The following MPI variants were observed in gnomAD, a reference collection of about 807,000 sequenced individuals.
MPI encodes the protein mannose-6-phosphate isomerase.
A neutral mutation model predicts 40.1 loss-of-function variants in MPI; 33 were observed. That is an observed-to-expected ratio of 0.82 (90% CI 0.62 to 1.10). MPI has a LOEUF of 1.10. Among genes scored for constraint, MPI ranks in the 50% least tolerant of loss-of-function variants. The pLI is 0.00. For missense variants in MPI, 514 were observed against 524.1 expected (o/e 0.98, Z 0.19); for synonymous variants, 187 against 207.4 (o/e 0.90, Z 0.85).
chr15:74,892,141 G>A (rs1327045700), intron 3 of MPI, among the ~76,000 whole-genome samples: 3 of 152,052 alleles, frequency 2.0e-5, no homozygotes, highest in Non-Finnish European at 4.4e-5. Context: ...CTACAGGCAC[G>A]CGCCACCACA....
intron 6 of MPI, 35 bp downstream of exon 6, chr15:74,896,360 T>C: frequency 6.2e-7 from 1 of 1,611,572 alleles, no homozygotes. Context: ...CCCACTGCCA[T>C]CCCTGCTGGG....
rs1373231619 is a variant in MPI at position 74,896,218 on chromosome 15, C to G, written c.737C>G (p.Pro246Arg). The G allele has an allele frequency of 1.2e-6, 2 of 1,614,054 alleles. No individual in the cohort carries two copies. Among genetic ancestry groups the G allele is most frequent in the Admixed American group, 1.7e-5 (1 of 60,004 alleles). The change falls in exon 6 of 8, where the codon CCA becomes CGA. Residue 246 changes from proline to arginine, a missense_variant. Coordinates refer to ENST00000352410, the MANE Select transcript of MPI (RefSeq NM_002435.3). The stretch of plus-strand genomic sequence containing the variant: ...TTGCTACAGCTGCACCAGCAGTACC[C>G]AGGTGATATCGGCTGCTTTGCCATC... ...ELLLQLHQQY[P>R]GDIGCFAIYF...
At chr15:74,895,628 C>CCTTCATGAAA (rs2064807203) in intron 5 of MPI, 1 of 159,012 alleles carries the variant, frequency 6.3e-6, no homozygotes, top group Non-Finnish European at 1.4e-5. Context: ...TGTTGGTTAC[C>CCTTCATGAAA]CTTCATGAAA....
At chr15:74,892,929 T>G in intron 4 of MPI, 127 bp downstream of exon 4, 1 of 1,510,748 alleles carries the variant, frequency 6.6e-7, no homozygotes, top group South Asian at 1.1e-5. Context: ...TGAAGCAGTT[T>G]TTGGAGCCAG....
Position 74,893,144 on chromosome 15 carries a change from C to G in MPI, c.494C>G (p.Pro165Arg). ...EEIVTFLKKVPEFQFLIGDEA... is the reference protein window; with the variant it reads ...EEIVTFLKKVREFQFLIGDEA... Reference sequence around the variant, plus strand: ...GGGCCTTGCCTTCCTGTAGAGGTGCCTGAGTTTCAGTTCCTGATTGGAGAT... The same window carrying G: ...GGGCCTTGCCTTCCTGTAGAGGTGCGTGAGTTTCAGTTCCTGATTGGAGAT... Residue 165 changes from proline to arginine, a missense_variant, in exon 5 of 8, where the codon CCT becomes CGT. Pro to Arg is a moderately radical substitution (Grantham distance 103). Transcript: ENST00000352410. 1 of 1,613,954 alleles carries G rather than the reference C, an allele frequency of 6.2e-7. No individual in the cohort carries two copies. Among genetic ancestry groups the G allele is most frequent in the Admixed American group, 1.7e-5 (1 of 60,018 alleles).
chr15:74,897,610 C>A lies in MPI; in HGVS notation c.1152C>A (p.Thr384=), dbSNP rs2064841631. Residue 384 remains threonine, a synonymous_variant, in exon 8 of 8, where the codon ACC becomes ACA. Transcript: ENST00000352410. ...CAGTAATAGCCAGCACACCCACAAC[C>A]CAGACACCAATCCCTCTGCAACGTG... ...QGTVIASTPT[T]QTPIPLQRGG... is the part of the protein sequence containing the mutation. 1.9e-6 allele frequency: 3 copies of A among 1,614,242 alleles called. No homozygotes were observed. Among genetic ancestry groups the A allele is most frequent in the African/African-American group, 1.3e-5 (1 of 75,066 alleles).
At position 74,898,574 on chromosome 15, in the gene MPI, G is replaced by A. The variant is rs1418724326; in HGVS notation, c.*844G>A. The A allele has an allele frequency of 2.0e-5, 3 of 150,682 alleles. No individual in the cohort carries two copies. The highest frequency in any genetic ancestry group is 2.0e-4 in the Admixed American group (3 of 15,084). 9.3% of individuals were successfully genotyped at this position (150,682 alleles called of 1,614,324 possible). Reference sequence around the variant, plus strand: ...TTTTTTTGAGACGGAGTCTCGGTCTGTAGCCCAGGCTGGAGTGCAGTGGCA... The same window carrying A: ...TTTTTTTGAGACGGAGTCTCGGTCTATAGCCCAGGCTGGAGTGCAGTGGCA... On this transcript the variant is annotated 3_prime_UTR_variant, in exon 8 of 8. Coordinates refer to ENST00000352410, the MANE Select transcript of MPI (RefSeq NM_002435.3).
chr15:74,893,727 T>A, intron 5 of MPI: 2 of 481,404 alleles, frequency 4.2e-6, no homozygotes, highest in Non-Finnish European at 7.5e-6. Context: ...CTCAGTCATT[T>A]GATCTTTCCT....
rs745420895 is a variant in MPI at position 74,899,078 on chromosome 15, T to G, written c.*1348T>G. ...GGACTCAGGAACCGAATTAGACAATTTTCATGGCGAGGAGAAGCCCAGTTA... is the reference window on the plus strand; with the variant it reads ...GGACTCAGGAACCGAATTAGACAATGTTCATGGCGAGGAGAAGCCCAGTTA... On this transcript the variant is annotated 3_prime_UTR_variant, in exon 8 of 8. Coordinates refer to ENST00000352410, the MANE Select transcript of MPI (RefSeq NM_002435.3). 8.5e-5 allele frequency: 13 copies of G among 152,198 alleles called. No homozygotes were observed. Among genetic ancestry groups the G allele is most frequent in the Non-Finnish European group, 1.3e-4 (9 of 68,048 alleles). 9.4% of individuals were successfully genotyped at this position (152,198 alleles called of 1,614,324 possible).
chr15:74,890,447 C>G, intron 1 of MPI, 80 bp from the exon 2 acceptor site: 1 of 1,596,578 alleles, frequency 6.3e-7, no homozygotes. Flanking sequence ...GTGAGCACCC[C>G]CAGCTCTTGC....
chr15:74,895,745 T>G (rs1325383246), intron 5 of MPI: 2 of 189,294 alleles, frequency 1.1e-5, no homozygotes, highest in Admixed American at 5.4e-5. Flanking sequence ...AAAACCCAGA[T>G]AGGGGTTGCT....
rs752199583 is a variant in MPI at position 74,897,673 on chromosome 15, A to G, written c.1215A>G (p.Ser405=). 1 of 1,614,016 alleles carries G rather than the reference A, an allele frequency of 6.2e-7. No individual in the cohort carries two copies. Among genetic ancestry groups the G allele is most frequent in the African/African-American group, 1.3e-5 (1 of 74,902 alleles). The part of the protein sequence containing the change: ...VLFIGANESV[S]LKLTEPKDLL... Reference sequence around the variant, plus strand: ...TCATTGGGGCCAATGAGAGTGTCTCACTGAAGCTTACTGAGCCGAAGGACC... The same window carrying G: ...TCATTGGGGCCAATGAGAGTGTCTCGCTGAAGCTTACTGAGCCGAAGGACC... The change falls in exon 8 of 8, where the codon TCA becomes TCG. Residue 405 remains serine (S), a synonymous_variant. Coordinates refer to ENST00000352410, the MANE Select transcript of MPI (RefSeq NM_002435.3).
At position 74,891,424 on chromosome 15, in the gene MPI, A is replaced by G. The variant is rs1468326053; in HGVS notation, c.190A>G (p.Asn64Asp). 1.5e-5 allele frequency: 24 copies of G among 1,614,106 alleles called. No homozygotes were observed. The highest frequency in any genetic ancestry group is 1.9e-5 in the Non-Finnish European group (23 of 1,180,046). The change falls in exon 3 of 8, where the codon AAC becomes GAC. Residue 64 changes from asparagine to aspartate, a missense_variant. Physicochemically the swap from Asn to Asp is conservative, Grantham distance 23. Transcript: ENST00000352410. ...CCGAGGGGATGCCAAGATCCTTGAC[A>G]ACCGCATCTCACAGAAGACCCTAAG... ...HPRGDAKILDNRISQKTLSQW... is the reference protein window; with the variant it reads ...HPRGDAKILDDRISQKTLSQW...
chr15:74,894,644 G>A (rs2064790052), intron 5 of MPI, among the ~76,000 whole-genome samples: 1 of 146,594 alleles, frequency 6.8e-6, no homozygotes. Context: ...AAAAAATGCT[G>A]GGCATGGTGG....
At position 74,902,044 on chromosome 15, in the gene MPI, CAT is replaced by C; in HGVS notation, c.*4316_*4317del. ...TTAAGCAACCTGCTATGATCCCTGT[CAT>C]AGTTAGACAGGTGCAACCTGAAGAG... is the stretch of plus-strand genomic sequence containing the variant. On this transcript the variant is annotated 3_prime_UTR_variant, in exon 8 of 8. Transcript: ENST00000352410. 2.5e-6 allele frequency: 1 copy of C among 398,428 alleles called. No homozygotes were observed. Among genetic ancestry groups the C allele is most frequent in the East Asian group, 3.6e-5 (1 of 28,068 alleles). 24.7% of individuals were successfully genotyped at this position (398,428 alleles called of 1,614,324 possible).
intron 6 of MPI, 163 bp from the exon 7 acceptor site, chr15:74,896,848 G>C (rs2064825937): frequency 1.4e-6 from 1 of 727,550 alleles, no homozygotes; most frequent in Admixed American, 2.0e-5. Context: ...CCTGTCACCT[G>C]TTTTTGGTAT....
At position 74,900,718 on chromosome 15, in the gene MPI, T is replaced by C. The variant is rs2064918769; in HGVS notation, c.*2988T>C. ...AGTGCTCAGAATGTTGGCCACTGCA[T>C]AGAGCTGCAGAGTCCCATTCCAGAA... On this transcript the variant is annotated 3_prime_UTR_variant, in exon 8 of 8. Coordinates refer to ENST00000352410, the MANE Select transcript of MPI (RefSeq NM_002435.3). The C allele has an allele frequency of 1.3e-5, 2 of 152,262 alleles. No homozygotes were observed. Among genetic ancestry groups the C allele is most frequent in the South Asian group, 4.1e-4 (2 of 4,840 alleles). 9.4% of individuals were successfully genotyped at this position (152,262 alleles called of 1,614,324 possible). A position where few individuals can be genotyped will look rare whatever the true frequency, so the allele number is the denominator to read the frequency against.
chr15:74,897,548 C>T lies in MPI; in HGVS notation c.1090C>T (p.Leu364=). 1 of 1,614,132 alleles carries T rather than the reference C, an allele frequency of 6.2e-7. No individual in the cohort carries two copies. The highest frequency in any genetic ancestry group is 8.5e-7 in the Non-Finnish European group (1 of 1,179,986). ...GSVTEYKVLA[L]DSASILLMVQ... Reference sequence around the variant, plus strand: ...TGTCACTGAATACAAGGTCTTGGCACTGGACTCTGCCAGCATCCTCCTGAT... The same window carrying T: ...TGTCACTGAATACAAGGTCTTGGCATTGGACTCTGCCAGCATCCTCCTGAT... The change falls in exon 8 of 8, where the codon CTG becomes TTG. Residue 364 remains leucine, a synonymous_variant. Coordinates refer to ENST00000352410, the MANE Select transcript of MPI (RefSeq NM_002435.3).
At position 74,901,972 on chromosome 15, in the gene MPI, G is replaced by A; in HGVS notation, c.*4242G>A. On this transcript the variant is annotated 3_prime_UTR_variant, in exon 8 of 8. Transcript: ENST00000352410. Reference sequence around the variant, plus strand: ...CACCCGGACGGTTGGACCAGTTGGGGATGCCCCAGGTCCAGGGATTCTGGA... The same window carrying A: ...CACCCGGACGGTTGGACCAGTTGGGAATGCCCCAGGTCCAGGGATTCTGGA... The A allele has an allele frequency of 2.5e-6, 1 of 397,140 alleles. No homozygotes were observed. The highest frequency in any genetic ancestry group is 4.4e-6 in the Non-Finnish European group (1 of 225,600). 24.6% of individuals were successfully genotyped at this position (397,140 alleles called of 1,614,324 possible).
Sources: gnomAD v4.1 joint callset for allele counts (sites outside exome capture counted in the v4.1 genomes callset) on GRCh38, gnomAD v4.1.1 for gene constraint, MANE v1.5 for transcripts, NCBI Gene and HGNC (gene_info 2026-07-23, HGNC 2026-07-21) for gene names.